The following PLXDC1 variants were observed in gnomAD, a reference collection of about 807,000 sequenced individuals.
The protein encoded by PLXDC1 is plexin domain-containing protein 1.
In PLXDC1, 39 loss-of-function variants were observed where a neutral mutation model predicts 61.3. That is an observed-to-expected ratio of 0.64 (90% confidence interval 0.49 to 0.83). The LOEUF (loss-of-function observed/expected upper bound fraction) is 0.83. PLXDC1 is among the 40% of genes least tolerant of loss of function. PLXDC1 has a pLI of 0.00. For synonymous variants in PLXDC1, 212 were observed against 254.5 expected (o/e 0.83, Z 1.59); for missense variants, 596 against 666.5 (o/e 0.89, Z 1.17).
chr17:39,097,741 T>C (rs9889440), intron 7 of PLXDC1, among the ~76,000 whole-genome samples: 2,955 of 150,176 alleles, frequency 0.02, 103 homozygotes, highest in African/African-American at 0.068. Flanking sequence ...AATAAATAAA[T>C]AAATAAATAA....
intron 2 of PLXDC1, among the ~76,000 whole-genome samples, chr17:39,121,104 G>C (rs1911149617): frequency 6.6e-6 from 1 of 152,066 alleles, no homozygotes; most frequent in Admixed American, 6.6e-5. Context: ...GCCTCCCAAA[G>C]TGCTGGGATT....
chr17:39,068,228 T>C (rs1023059314), intron 13 of PLXDC1, among the ~76,000 whole-genome samples: 2 of 152,170 alleles, frequency 1.3e-5, no homozygotes, highest in Non-Finnish European at 2.9e-5. Flanking sequence ...AACTCACAGC[T>C]GAAAGGTTCA....
At chr17:39,128,107 A>ATATATATATATATACACATATATATG (rs1291982693) in intron 2 of PLXDC1, among the ~76,000 whole-genome samples, 1,149 of 100,612 alleles carry the variant, frequency 0.011, 89 homozygotes, top group Non-Finnish European at 0.018. Context: ...GTATATATAT[A>ATATATATATATATACACATATATATG]TATATATGTA....
At chr17:39,072,204 G>A in intron 12 of PLXDC1, 1 of 551,486 alleles carries the variant, frequency 1.8e-6, no homozygotes, top group Non-Finnish European at 3.3e-6. Flanking sequence ...AGAGCCAGGA[G>A]AAGAACCACA....
chr17:39,079,187 G>C, intron 9 of PLXDC1, 23 bp from the exon 10 acceptor site: 1 of 1,603,728 alleles, frequency 6.2e-7, no homozygotes, highest in Non-Finnish European at 8.5e-7. Flanking sequence ...CAAAAGGACA[G>C]AGTTATGATG....
At chr17:39,070,727 C>T (rs944296452) in intron 12 of PLXDC1, among the ~76,000 whole-genome samples, 2 of 152,202 alleles carry the variant, frequency 1.3e-5, no homozygotes, top group Non-Finnish European at 2.9e-5. Flanking sequence ...CCTGTAATCC[C>T]AGCACTTTAG....
At chr17:39,128,094 T>TATATATATATATATAC (rs1911377570) in intron 2 of PLXDC1, among the ~76,000 whole-genome samples, 7 of 71,102 alleles carry the variant, frequency 9.8e-5, no homozygotes, top group South Asian at 5.0e-4. Context: ...TCTCTCTCTA[T>TATATATATATATATAC]GTGTATATAT....
At chr17:39,079,650 C>A in intron 9 of PLXDC1, 1 of 433,648 alleles carries the variant, frequency 2.3e-6, no homozygotes, top group Non-Finnish European at 4.7e-6. Flanking sequence ...AGACAACTGG[C>A]TGACAAGGGT....
At position 39,139,763 on chromosome 17, in the gene PLXDC1, C is replaced by T. The variant is rs746601901; in HGVS notation, c.146G>A (p.Arg49Gln). Residue 49 changes from arginine (R) to glutamine (Q), a missense_variant, in exon 2 of 14, where the codon CGA (arginine) becomes CAA (glutamine). Arg to Gln is a conservative substitution (Grantham distance 43). Transcript: ENST00000315392. ...GTVRGWNRRA[R>Q]ESPGHVSEPD... ...CTCTGACACATGCCCAGGGCTCTCT[C>T]GGGCTCTCCGGTTCCAGCCCCGCAC... 46 of 1,613,880 alleles carry T rather than the reference C, an allele frequency of 2.9e-5. No individual in the cohort carries two copies. The highest frequency in any genetic ancestry group is 6.7e-5 in the Admixed American group (4 of 60,002).
At chr17:39,150,991 C>G in intron 1 of PLXDC1, among the ~76,000 whole-genome samples, 1 of 152,058 alleles carries the variant, frequency 6.6e-6, no homozygotes, top group East Asian at 1.9e-4. Flanking sequence ...GGGGCAGGGG[C>G]CTCCCCAGGC....
chr17:39,136,327 T>C lies in PLXDC1; in HGVS notation c.255+3327A>G, dbSNP rs187995411. On this transcript the variant is annotated intron_variant, in intron 2 of 13. Coordinates refer to ENST00000315392, the MANE Select transcript of PLXDC1 (RefSeq NM_020405.5). ...CTAAGATGGCACCAAAACTCAGGAA[T>C]CAAGATAGAGAATACTTCAATGCAA... Among the ~76,000 whole-genome samples, 55 of 152,270 alleles carry C rather than the reference T, an allele frequency of 3.6e-4. 1 individual carries two copies. Among genetic ancestry groups the C allele is most frequent in the Admixed American group, 3.4e-3 (52 of 15,282 alleles).
In PLXDC1 at chr17:39,107,864, T is replaced by C. The variant is rs1005708231; in HGVS notation, c.592+259A>G. ...CAAGGGACATCCTGGTGAATGTAAG[T>C]AACAATAAAGGCCCCTAACATTTAT... is the stretch of plus-strand genomic sequence containing the variant. On this transcript the variant is annotated intron_variant, in intron 5 of 13. Coordinates refer to ENST00000315392, the MANE Select transcript of PLXDC1 (RefSeq NM_020405.5). The C allele has an allele frequency of 1.0e-5, 6 of 573,742 alleles. No homozygotes were observed. In the South Asian group the frequency reaches 1.3e-4, roughly 12 times the overall value. 35.5% of individuals were successfully genotyped at this position (573,742 alleles called of 1,614,324 possible).
chr17:39,139,053 G>A (rs769919085), intron 2 of PLXDC1, among the ~76,000 whole-genome samples: 1 of 152,080 alleles, frequency 6.6e-6, no homozygotes, highest in Non-Finnish European at 1.5e-5. Context: ...TTCACCCCCA[G>A]ACACACCGAG....
At chr17:39,112,480 C>T (rs1456328981) in intron 2 of PLXDC1, among the ~76,000 whole-genome samples, 3 of 104,320 alleles carry the variant, frequency 2.9e-5, no homozygotes, top group Non-Finnish European at 5.4e-5. Flanking sequence ...TTTTTTGAGA[C>T]GGAGTCTTGC....
In PLXDC1 at chr17:39,141,714, C is replaced by CTGTTTTCCATATAAAA. The variant is rs540777290; in HGVS notation, c.77-1898_77-1883dup. 4.8e-4 allele frequency among the ~76,000 whole-genome samples: 73 copies of CTGTTTTCCATATAAAA among 152,268 alleles called. 1 individual carries two copies. In the South Asian group the frequency reaches 0.015, roughly 31 times the overall value. On this transcript the variant is annotated intron_variant, in intron 1 of 13. Transcript: ENST00000315392. ...TCTAATTTTTTGAGGAATTGTCATA[C>CTGTTTTCCATATAAAA]TGTTTTCCATATAAAATGTTTTCCA... is the stretch of plus-strand genomic sequence containing the variant.
intron 2 of PLXDC1, among the ~76,000 whole-genome samples, chr17:39,128,087 C>CTATGTTTATATATATA (rs1304464750): frequency 1.5e-5 from 1 of 67,250 alleles, no homozygotes; most frequent in African/African-American, 5.4e-5. Flanking sequence ...CTCTCTCTCT[C>CTATGTTTATATATATA]TCTCTATGTG....
At chr17:39,072,175 A>C in intron 12 of PLXDC1, 2 of 498,518 alleles carry the variant, frequency 4.0e-6, no homozygotes, top group Non-Finnish European at 7.3e-6. Flanking sequence ...CTTTCTGGGC[A>C]GTGAATATTC....
At chr17:39,134,148 G>T (rs1911655850) in intron 2 of PLXDC1, among the ~76,000 whole-genome samples, 1 of 151,948 alleles carries the variant, frequency 6.6e-6, no homozygotes, top group African/African-American at 2.4e-5. Flanking sequence ...CAGCTACTTG[G>T]GAGGCTGAGG....
chr17:39,139,662 T>C lies in PLXDC1; in HGVS notation c.247A>G (p.Arg83Gly). ...AMDTLPDNRT[R>G]VVEDNHSYYV... ...GTTCCTCCAGCACTCACCACCACCC[T>C]GGTCCTGTTATCTGGCAGCGTGTCC... Residue 83 changes from arginine (R) to glycine (G), a missense_variant, in exon 2 of 14, where the codon AGG (arginine) becomes GGG (glycine). Coordinates refer to ENST00000315392, the MANE Select transcript of PLXDC1 (RefSeq NM_020405.5). The C allele has an allele frequency of 6.8e-7, 1 of 1,461,902 alleles. No homozygotes were observed. Among genetic ancestry groups the C allele is most frequent in the Non-Finnish European group, 9.3e-7 (1 of 1,080,060 alleles). The allele number at this position is 1,461,902 out of a possible 1,614,324, so 90.6% of individuals were successfully genotyped here. A position where few individuals can be genotyped will look rare whatever the true frequency, so the allele number is the denominator to read the frequency against.
Sources: gnomAD v4.1 joint callset for allele counts (sites outside exome capture counted in the v4.1 genomes callset) on GRCh38, gnomAD v4.1.1 for gene constraint, MANE v1.5 for transcripts, NCBI Gene and HGNC (gene_info 2026-07-23, HGNC 2026-07-21) for gene names.